IQCK: variants seen among roughly 807,000 people sequenced by gnomAD.
IQCK encodes the protein IQ motif containing K.
Under a neutral mutation model 28.1 loss-of-function variants are expected in IQCK, and 29 were observed. The ratio of observed to expected loss-of-function variants is 1.03; its 90% CI spans 0.77 to 1.41. The LOEUF is 1.41. Among genes scored for constraint, IQCK ranks in the 40% most tolerant of loss-of-function variants. IQCK has a pLI of 0.00. For synonymous variants in IQCK, 113 were observed against 115.1 expected (o/e 0.98, Z 0.12); for missense variants, 359 against 314.7 (o/e 1.14, Z -1.07).
chr16:19,775,377 A>G (rs1442537323), intron 6 of IQCK, among the ~76,000 whole-genome samples: 3 of 152,236 alleles, frequency 2.0e-5, no homozygotes, highest in African/African-American at 7.2e-5. Context: ...AGCAGCTCAT[A>G]AGGCAACTAC....
At chr16:19,777,573 T>G (rs2055412435) in intron 6 of IQCK, among the ~76,000 whole-genome samples, 1 of 152,216 alleles carries the variant, frequency 6.6e-6, no homozygotes. Context: ...GCTTTTTATA[T>G]TCACATTCAT....
At chr16:19,721,228 G>C (rs776690056) in intron 1 of IQCK, among the ~76,000 whole-genome samples, 1 of 152,084 alleles carries the variant, frequency 6.6e-6, no homozygotes, top group East Asian at 1.9e-4. Context: ...ATTCTCTTAA[G>C]ATAATCTCCA....
chr16:19,827,727 G>A (rs1364037037), downstream of IQCK, among the ~76,000 whole-genome samples: 1 of 152,134 alleles, frequency 6.6e-6, no homozygotes, highest in Non-Finnish European at 1.5e-5. Context: ...GTGGAGGAAG[G>A]TTGCATGGAC....
chr16:19,737,004 AAAAG>A (rs1442420260), intron 4 of IQCK, among the ~76,000 whole-genome samples: 1 of 151,676 alleles, frequency 6.6e-6, no homozygotes, highest in Non-Finnish European at 1.5e-5. Flanking sequence ...AAAAAAAAGA[AAAAG>A]AAAATTAGCC....
chr16:19,769,021 T>G (rs1252929364), intron 6 of IQCK, among the ~76,000 whole-genome samples: 7 of 152,242 alleles, frequency 4.6e-5, no homozygotes, highest in African/African-American at 1.7e-4. Context: ...GGTTCTGCTT[T>G]TAAGATGGTG....
chr16:19,830,836 T>C (rs533118690), downstream of IQCK, among the ~76,000 whole-genome samples: 5 of 152,190 alleles, frequency 3.3e-5, no homozygotes, highest in African/African-American at 4.8e-5. Context: ...ATTACAAGAT[T>C]ATAAGAGATG....
intron 7 of IQCK, among the ~76,000 whole-genome samples, chr16:19,817,445 A>G (rs2056004248): frequency 6.6e-6 from 1 of 152,152 alleles, no homozygotes; most frequent in Admixed American, 6.5e-5. Flanking sequence ...TGAACTAACA[A>G]GGCTGCTGTA....
intron 6 of IQCK, among the ~76,000 whole-genome samples, chr16:19,770,629 G>C (rs1023639919): frequency 6.6e-6 from 1 of 151,580 alleles, no homozygotes; most frequent in Non-Finnish European, 1.5e-5. Context: ...TTCTCTTTTG[G>C]GGGGCGGGGG....
At chr16:19,765,153 C>T (rs1449034214) in intron 6 of IQCK, among the ~76,000 whole-genome samples, 3 of 138,852 alleles carry the variant, frequency 2.2e-5, no homozygotes, top group African/African-American at 8.1e-5. Context: ...ACCCTGGAGG[C>T]GGAGCTGGCA....
At chr16:19,755,762 G>A (rs898448554) in intron 4 of IQCK, among the ~76,000 whole-genome samples, 1 of 152,164 alleles carries the variant, frequency 6.6e-6, no homozygotes, top group Non-Finnish European at 1.5e-5. Context: ...CACTCCCTGT[G>A]GTAGAAGAGA....
At chr16:19,745,246 C>G (rs2054894343) in intron 4 of IQCK, among the ~76,000 whole-genome samples, 1 of 152,128 alleles carries the variant, frequency 6.6e-6, no homozygotes, top group Admixed American at 6.6e-5. Context: ...AGTGAATCAC[C>G]TCACCTACAT....
At chr16:19,781,412 C>T (rs112391316) in intron 6 of IQCK, among the ~76,000 whole-genome samples, 24 of 152,246 alleles carry the variant, frequency 1.6e-4, no homozygotes, top group African/African-American at 5.5e-4. Context: ...AATGATTCAG[C>T]CTGATGCTGG....
At chr16:19,784,535 G>A (rs2055536608) in intron 6 of IQCK, among the ~76,000 whole-genome samples, 1 of 152,194 alleles carries the variant, frequency 6.6e-6, no homozygotes, top group Non-Finnish European at 1.5e-5. Context: ...CACTCCACAA[G>A]TATTTGTTGA....
intron 2 of IQCK, among the ~76,000 whole-genome samples, chr16:19,731,465 C>G (rs1320674318): frequency 1.3e-5 from 2 of 152,172 alleles, no homozygotes; most frequent in Non-Finnish European, 2.9e-5. Flanking sequence ...TCCTTTTCTC[C>G]TAGCATCCTG....
chr16:19,790,393 T>C (rs910419675), intron 7 of IQCK, among the ~76,000 whole-genome samples: 5 of 92,002 alleles, frequency 5.4e-5, no homozygotes, highest in Non-Finnish European at 8.9e-5. Context: ...CCATTCTAGG[T>C]AGCAAGATGA....
chr16:19,756,253 G>A (rs1746572654), intron 4 of IQCK, among the ~76,000 whole-genome samples: 1 of 152,184 alleles, frequency 6.6e-6, no homozygotes, highest in Non-Finnish European at 1.5e-5. Flanking sequence ...TTGAGATACA[G>A]GCTGCTCTGT....
chr16:19,740,509 G>GAGCACCTCACGAGTCACATTTCAGCAATA (rs2054818494), intron 4 of IQCK, among the ~76,000 whole-genome samples: 1 of 152,156 alleles, frequency 6.6e-6, no homozygotes, highest in African/African-American at 2.4e-5. Flanking sequence ...AAGTGAGGAA[G>GAGCACCTCACGAGTCACATTTCAGCAATA]AGCACCTCAC....
At chr16:19,734,315 G>A (rs1234090711) in intron 3 of IQCK, among the ~76,000 whole-genome samples, 1 of 152,082 alleles carries the variant, frequency 6.6e-6, no homozygotes, top group African/African-American at 2.4e-5. Context: ...TGGCCAACAT[G>A]GTGAAACCCT....
At chr16:19,847,547 T>G (rs575505735) in intron 9 of IQCK, among the ~76,000 whole-genome samples, 35 of 152,228 alleles carry the variant, frequency 2.3e-4, no homozygotes, top group Admixed American at 9.2e-4. Flanking sequence ...TAGTTTTGCT[T>G]CTTCTCTGCC....
Sources: allele counts gnomAD v4.1 joint callset (sites outside exome capture counted in the v4.1 genomes callset), GRCh38; gene constraint gnomAD v4.1.1; transcripts MANE v1.5; gene names NCBI Gene and HGNC (gene_info 2026-07-23, HGNC 2026-07-21).